Variants in CNTNAP2 observed in about 807,000 individuals in gnomAD.
CNTNAP2 encodes contactin associated protein 2.
In CNTNAP2, 98 loss-of-function variants were observed where a neutral mutation model predicts 155.2. That is an observed-to-expected ratio of 0.63 (90% CI 0.54 to 0.75). The LOEUF (loss-of-function observed/expected upper bound fraction) is 0.75, where lower values mean the gene tolerates loss of function less well. Among genes scored for constraint, CNTNAP2 ranks in the 30% least tolerant of loss-of-function variants. CNTNAP2 has a pLI of 0.00. For missense variants in CNTNAP2, 1,727 were observed against 1,688.1 expected, an observed-to-expected ratio of 1.02 and a Z score of -0.40; for synonymous variants, 651 against 631.2, an observed-to-expected ratio of 1.03 and a Z score of -0.47.
At chr7:147,453,053 G>T (rs1054186280) in intron 10 of CNTNAP2, among the ~76,000 whole-genome samples, 2 of 151,614 alleles carry the variant, frequency 1.3e-5, no homozygotes, top group African/African-American at 4.8e-5. Flanking sequence ...AAAGAAGGAA[G>T]ATGTGAGAAA....
At chr7:146,329,825 C>G (rs1045135709) in intron 1 of CNTNAP2, among the ~76,000 whole-genome samples, 1 of 152,088 alleles carries the variant, frequency 6.6e-6, no homozygotes, top group African/African-American at 2.4e-5. Flanking sequence ...TACTGAATAG[C>G]CACATTACTT....
chr7:147,935,423 C>A (rs909640070), intron 14 of CNTNAP2, among the ~76,000 whole-genome samples: 1 of 152,174 alleles, frequency 6.6e-6, no homozygotes, highest in Non-Finnish European at 1.5e-5. Context: ...CTGCGCCCAG[C>A]CGAGTAAATC....
chr7:146,644,504 C>G, intron 1 of CNTNAP2, among the ~76,000 whole-genome samples: 1 of 152,070 alleles, frequency 6.6e-6, no homozygotes, highest in Non-Finnish European at 1.5e-5. Context: ...AGGGATGAAG[C>G]CCTCTTGATC....
chr7:146,354,014 A>G (rs1794960909), intron 1 of CNTNAP2, among the ~76,000 whole-genome samples: 1 of 152,206 alleles, frequency 6.6e-6, no homozygotes, highest in Non-Finnish European at 1.5e-5. Context: ...CTTCACATAT[A>G]CTGCTAACTT....
rs1356187590 is a variant in CNTNAP2 at position 147,608,223 on chromosome 7, AC to A, written c.1898-30882del. ...CTGTTCATCTCAGAAAAAAAAAAAA[AC>A]ACAATGGTTTTAAGAAGTACCTTGC... On this transcript the variant is annotated intron_variant, in intron 12 of 23. Transcript: ENST00000361727. Among the ~76,000 whole-genome samples, 27 of 147,062 alleles carry A rather than the reference AC, an allele frequency of 1.8e-4. No individual in the cohort carries two copies. The East Asian group carries it at 4.4e-3, about 24-fold the overall frequency.
intron 2 of CNTNAP2, among the ~76,000 whole-genome samples, chr7:146,828,162 C>A (rs1803442932): frequency 6.6e-6 from 1 of 151,836 alleles, no homozygotes; most frequent in Admixed American, 6.6e-5. Flanking sequence ...ATGAATGAAC[C>A]AGGAGAGGTA....
At chr7:147,172,808 T>A (rs1234013283) in intron 8 of CNTNAP2, among the ~76,000 whole-genome samples, 1 of 152,146 alleles carries the variant, frequency 6.6e-6, no homozygotes, top group South Asian at 2.1e-4. Context: ...TATGCACGAG[T>A]TCCTTGCAGG....
chr7:146,438,994 T>A (rs992308850), intron 1 of CNTNAP2, among the ~76,000 whole-genome samples: 1 of 151,606 alleles, frequency 6.6e-6, no homozygotes, highest in African/African-American at 2.4e-5. Context: ...AATTTATTCA[T>A]GTTAGCTTTA....
chr7:148,241,364 C>A (rs1388002807), intron 20 of CNTNAP2, among the ~76,000 whole-genome samples: 1 of 152,174 alleles, frequency 6.6e-6, no homozygotes, highest in East Asian at 1.9e-4. Context: ...ACTATGGTTT[C>A]TTTCCATTGA....
chr7:147,783,601 T>G (rs1465531376), intron 13 of CNTNAP2, among the ~76,000 whole-genome samples: 3 of 152,228 alleles, frequency 2.0e-5, no homozygotes, highest in Non-Finnish European at 2.9e-5. Context: ...CAAGTTTCGT[T>G]TATTGCTATA....
intron 1 of CNTNAP2, among the ~76,000 whole-genome samples, chr7:146,600,002 C>A (rs865847167): frequency 6.6e-6 from 1 of 152,016 alleles, no homozygotes. Flanking sequence ...AGTGAAATGA[C>A]CTTAAACATA....
chr7:148,091,974 A>C (rs1486940339), intron 15 of CNTNAP2, among the ~76,000 whole-genome samples: 2 of 152,212 alleles, frequency 1.3e-5, no homozygotes, highest in South Asian at 4.1e-4. Flanking sequence ...GTTATCAGGA[A>C]GGAGGTAATT....
chr7:146,888,896 T>G (rs903399158), intron 3 of CNTNAP2, among the ~76,000 whole-genome samples: 4 of 152,114 alleles, frequency 2.6e-5, no homozygotes, highest in Non-Finnish European at 5.9e-5. Flanking sequence ...TTATGCAAGG[T>G]AAATAAGTCC....
chr7:146,369,435 A>T (rs1197218418), intron 1 of CNTNAP2, among the ~76,000 whole-genome samples: 1 of 152,184 alleles, frequency 6.6e-6, no homozygotes, highest in African/African-American at 2.4e-5. Context: ...ATTAAAGTGC[A>T]TTCTTTGTCC....
intron 13 of CNTNAP2, among the ~76,000 whole-genome samples, chr7:147,694,465 T>A (rs1796133991): frequency 6.6e-6 from 1 of 152,164 alleles, no homozygotes; most frequent in South Asian, 2.1e-4. Flanking sequence ...AATAAGTTGA[T>A]CTGGGCCTGC....
intron 10 of CNTNAP2, among the ~76,000 whole-genome samples, chr7:147,475,272 A>G (rs1309574672): frequency 1.3e-5 from 2 of 152,206 alleles, no homozygotes; most frequent in East Asian, 1.9e-4. Context: ...CTAGGTCTCA[A>G]TATATGCACA....
At chr7:147,535,527 C>G (rs945314824) in intron 11 of CNTNAP2, among the ~76,000 whole-genome samples, 1 of 152,184 alleles carries the variant, frequency 6.6e-6, no homozygotes, top group Non-Finnish European at 1.5e-5. Context: ...TTCCTAAAAT[C>G]TAAGATGGCT....
At chr7:146,769,020 A>G (rs1412359904) in intron 1 of CNTNAP2, among the ~76,000 whole-genome samples, 3 of 152,166 alleles carry the variant, frequency 2.0e-5, no homozygotes, top group African/African-American at 7.2e-5. Context: ...TTTCATGTCT[A>G]TTTGCCAATA....
At position 147,233,332 on chromosome 7, in the gene CNTNAP2, G is replaced by A. The variant is rs535559975; in HGVS notation, c.1349-66809G>A. Among the ~76,000 whole-genome samples the A allele has an allele frequency of 6.0e-4, 91 of 152,246 alleles. No individual in the cohort carries two copies. The South Asian group carries it at 0.019, about 32-fold the overall frequency. On this transcript the variant is annotated intron_variant, in intron 8 of 23. Transcript: ENST00000361727. Reference sequence around the variant, plus strand: ...TCACCTGTGCGCAGCTGCTGCTTCTGCCAGCTGAACTGTTGACTCACAGAG... The same window carrying A: ...TCACCTGTGCGCAGCTGCTGCTTCTACCAGCTGAACTGTTGACTCACAGAG...
Sources: gnomAD v4.1 joint callset for allele counts (sites outside exome capture counted in the v4.1 genomes callset) on GRCh38, gnomAD v4.1.1 for gene constraint, MANE v1.5 for transcripts, NCBI Gene and HGNC (gene_info 2026-07-23, HGNC 2026-07-21) for gene names.